The following CLEC16A variants were observed in gnomAD, a reference collection of about 807,000 sequenced individuals.
The protein encoded by CLEC16A is protein CLEC16A.
Under a neutral mutation model 109.5 loss-of-function variants are expected in CLEC16A, and 51 were observed. The observed-to-expected ratio is 0.47, with a 90% CI of 0.37 to 0.59. The LOEUF is 0.59. Ranked by LOEUF, CLEC16A falls within the 20% of genes least tolerant of loss-of-function variation. The pLI is 0.00. For synonymous variants in CLEC16A, 673 were observed against 564.2 expected (o/e 1.19, Z -2.73); for missense variants, 1,339 against 1,394.0 (o/e 0.96, Z 0.63).
intron 19 of CLEC16A, among the ~76,000 whole-genome samples, chr16:11,077,518 G>T (rs578129733): frequency 2.0e-5 from 3 of 150,976 alleles, no homozygotes; most frequent in African/African-American, 7.3e-5. Context: ...TTAGCCAGGC[G>T]TAGTGGCGTG....
At chr16:11,154,914 G>A (rs1009720228) in intron 22 of CLEC16A, among the ~76,000 whole-genome samples, 13 of 151,752 alleles carry the variant, frequency 8.6e-5, no homozygotes, top group South Asian at 2.1e-4. Flanking sequence ...GCAACAGAGC[G>A]GGACTCCATC....
At chr16:11,089,373 C>T (rs1366993865) in intron 19 of CLEC16A, among the ~76,000 whole-genome samples, 1 of 152,174 alleles carries the variant, frequency 6.6e-6, no homozygotes, top group African/African-American at 2.4e-5. Context: ...ATCCCTTGTG[C>T]ATCACCCTTG....
chr16:11,061,144 A>C, intron 19 of CLEC16A, 122 bp downstream of exon 19: 1 of 1,172,298 alleles, frequency 8.5e-7, no homozygotes, highest in Non-Finnish European at 1.1e-6. Flanking sequence ...ACTATTATTG[A>C]GCTGTGACCT....
intron 22 of CLEC16A, among the ~76,000 whole-genome samples, chr16:11,130,458 T>A (rs1370835152): frequency 6.6e-6 from 1 of 152,172 alleles, no homozygotes; most frequent in East Asian, 1.9e-4. Flanking sequence ...GCGAGCAAGA[T>A]GTGTGTCCAA....
In CLEC16A at chr16:11,134,488, C is replaced by T. The variant is rs1597508673; in HGVS notation, c.2641+8342C>T. Among the ~76,000 whole-genome samples the T allele has an allele frequency of 2.0e-5, 3 of 152,148 alleles. No homozygotes were observed. The East Asian group carries it at 5.8e-4, about 29-fold the overall frequency. On this transcript the variant is annotated intron_variant, in intron 22 of 23. Transcript: ENST00000409790. Reference sequence around the variant, plus strand: ...ACATGAGATAGGCTGAGATCTGTACCTCCCCTTCCTGCCTCTAAATCCCAT... The same window carrying T: ...ACATGAGATAGGCTGAGATCTGTACTTCCCCTTCCTGCCTCTAAATCCCAT...
At chr16:11,106,156 A>G (rs2152992726) in intron 19 of CLEC16A, among the ~76,000 whole-genome samples, 1 of 152,308 alleles carries the variant, frequency 6.6e-6, no homozygotes, top group African/African-American at 2.4e-5. Context: ...GAACTTCACA[A>G]CAATGCTAGG....
At chr16:11,056,430 G>A (rs567752695) in intron 18 of CLEC16A, 15 of 152,168 alleles carry the variant, frequency 9.9e-5, no homozygotes, top group Non-Finnish European at 1.9e-4. Flanking sequence ...AAGAAATAGG[G>A]TCTTTCATGA....
chr16:11,142,077 C>T (rs1448746605), intron 22 of CLEC16A, among the ~76,000 whole-genome samples: 1 of 152,174 alleles, frequency 6.6e-6, no homozygotes, highest in African/African-American at 2.4e-5. Flanking sequence ...ATCTCCACAG[C>T]CCAGGTTCAC....
At chr16:11,086,298 C>G (rs1369921751) in intron 19 of CLEC16A, among the ~76,000 whole-genome samples, 1 of 152,164 alleles carries the variant, frequency 6.6e-6, no homozygotes, top group Non-Finnish European at 1.5e-5. Context: ...GCTCAAGATC[C>G]CCACTCGCTA....
intron 8 of CLEC16A, among the ~76,000 whole-genome samples, chr16:10,978,959 G>T (rs1158960021): frequency 6.6e-6 from 1 of 152,116 alleles, no homozygotes; most frequent in Non-Finnish European, 1.5e-5. Context: ...CCTCCCCCAT[G>T]CTTTGAAAAT....
intron 19 of CLEC16A, among the ~76,000 whole-genome samples, chr16:11,085,183 A>G (rs922485628): frequency 2.6e-5 from 4 of 152,252 alleles, no homozygotes; most frequent in African/African-American, 9.6e-5. Context: ...AGACGAGGCC[A>G]TGAAGCCCCC....
intron 11 of CLEC16A, among the ~76,000 whole-genome samples, chr16:11,011,414 T>G (rs1232427549): frequency 6.6e-6 from 1 of 152,172 alleles, no homozygotes; most frequent in Non-Finnish European, 1.5e-5. Context: ...TGTATTTAAT[T>G]ATTTTGGTGC....
At chr16:11,176,425 A>T (rs1331384478) in intron 23 of CLEC16A, among the ~76,000 whole-genome samples, 2 of 152,068 alleles carry the variant, frequency 1.3e-5, no homozygotes, top group Non-Finnish European at 2.9e-5. Flanking sequence ...CTCTCTTTTA[A>T]AAAAGACATT....
intron 17 of CLEC16A, among the ~76,000 whole-genome samples, chr16:11,049,531 A>G (rs1177001455): frequency 4.6e-5 from 7 of 152,058 alleles, no homozygotes; most frequent in Non-Finnish European, 1.0e-4. Flanking sequence ...TGTGTGTCCT[A>G]TACAATGCCT....
intron 1 of CLEC16A, among the ~76,000 whole-genome samples, chr16:10,956,299 C>A (rs1029504124): frequency 2.0e-5 from 3 of 152,168 alleles, no homozygotes; most frequent in Admixed American, 2.0e-4. Flanking sequence ...TAAACCCTAG[C>A]CCCTTTAAAT....
At chr16:11,167,173 T>C (rs972575530) in intron 23 of CLEC16A, among the ~76,000 whole-genome samples, 4 of 152,124 alleles carry the variant, frequency 2.6e-5, no homozygotes, top group African/African-American at 9.7e-5. Flanking sequence ...CCGTGAGCTA[T>C]TCGCTGTGTG....
At chr16:11,128,101 A>G (rs2052953684) in intron 22 of CLEC16A, among the ~76,000 whole-genome samples, 4 of 152,216 alleles carry the variant, frequency 2.6e-5, no homozygotes, top group Admixed American at 2.6e-4. Flanking sequence ...TGACTTCTTT[A>G]GGGTCATTGA....
At chr16:10,987,767 C>T (rs937832115) in intron 10 of CLEC16A, among the ~76,000 whole-genome samples, 1 of 152,188 alleles carries the variant, frequency 6.6e-6, no homozygotes, top group Non-Finnish European at 1.5e-5. Context: ...CTATTGTTTC[C>T]TGCCCAACTC....
At chr16:11,051,383 C>A in intron 17 of CLEC16A, 130 bp from the exon 18 acceptor site, 1 of 956,298 alleles carries the variant, frequency 1.0e-6, no homozygotes, top group Non-Finnish European at 1.6e-6. Flanking sequence ...AATCTAAATC[C>A]AGGATTTAGA....
Sources: allele counts gnomAD v4.1 joint callset (sites outside exome capture counted in the v4.1 genomes callset), GRCh38; gene constraint gnomAD v4.1.1; transcripts MANE v1.5; gene names NCBI Gene and HGNC (gene_info 2026-07-23, HGNC 2026-07-21).